The following DPYD variants were observed in gnomAD, a reference collection of about 807,000 sequenced individuals.
DPYD encodes dihydropyrimidine dehydrogenase.
A neutral mutation model predicts 116.2 loss-of-function variants in DPYD; 109 were observed. The observed-to-expected ratio is 0.94, with a 90% CI of 0.80 to 1.10. The LOEUF (loss-of-function observed/expected upper bound fraction) is 1.10, where lower values mean the gene tolerates loss of function less well. Ranked by LOEUF, DPYD falls within the 50% of genes least tolerant of loss-of-function variation. The pLI, the probability that DPYD is intolerant of heterozygous loss-of-function variation, is 0.00. For missense variants in DPYD, 1,302 were observed against 1,254.5 expected (o/e 1.04, Z -0.57); for synonymous variants, 440 against 432.0 (o/e 1.02, Z -0.23).
Position 97,193,180 on chromosome 1 carries a change from C to A in DPYD, c.2511G>T (p.Leu837=), listed in dbSNP as rs763174477. Residue 837 remains leucine, a synonymous_variant, in exon 20 of 23, where the codon CTG becomes CTT. Coordinates refer to ENST00000370192, the MANE Select transcript of DPYD (RefSeq NM_000110.4). ...IEDYCTGLKA[L]LYLKSIEELQ... ...GTTCTTCAATGCTTTTCAGATAAAG[C>A]AGGGCTTTGAGGCCAGTGCAGTAGT... is the stretch of plus-strand genomic sequence containing the variant. The A allele has an allele frequency of 3.3e-5, 53 of 1,613,866 alleles. No homozygotes were observed. The highest frequency in any genetic ancestry group is 4.4e-5 in the Non-Finnish European group (52 of 1,179,962).
At chr1:97,257,435 G>GTATATATATA (rs60425146) in intron 18 of DPYD, among the ~76,000 whole-genome samples, 96 of 136,112 alleles carry the variant, frequency 7.1e-4, no homozygotes, top group African/African-American at 2.6e-3. Context: ...ATATACATAC[G>GTATATATATA]TATATATATA....
intron 13 of DPYD, among the ~76,000 whole-genome samples, chr1:97,451,081 A>C (rs1215983246): frequency 6.6e-6 from 1 of 152,100 alleles, no homozygotes; most frequent in Non-Finnish European, 1.5e-5. Context: ...ACCCCTCCTC[A>C]CCATCTTGTC....
intron 16 of DPYD, among the ~76,000 whole-genome samples, chr1:97,372,784 G>A (rs1671373268): frequency 6.6e-6 from 1 of 151,370 alleles, no homozygotes; most frequent in Non-Finnish European, 1.5e-5. Flanking sequence ...ACAAGATCCT[G>A]TGCCAGACAT....
At chr1:97,740,588 A>G in intron 3 of DPYD, 109 bp from the exon 4 acceptor site, 1 of 975,164 alleles carries the variant, frequency 1.0e-6, no homozygotes, top group Non-Finnish European at 1.6e-6. Context: ...ATAAAATCGT[A>G]TCATTTTTAG....
intron 3 of DPYD, among the ~76,000 whole-genome samples, chr1:97,751,589 C>T (rs1664928606): frequency 6.8e-6 from 1 of 147,638 alleles, no homozygotes; most frequent in Admixed American, 6.8e-5. Flanking sequence ...CATAGAAAGA[C>T]CTTGTCTCTA....
chr1:97,872,251 A>C (rs1671692725), intron 2 of DPYD, among the ~76,000 whole-genome samples: 1 of 151,924 alleles, frequency 6.6e-6, no homozygotes. Flanking sequence ...CATACCTTAC[A>C]CAGGGGAAAG....
intron 19 of DPYD, among the ~76,000 whole-genome samples, chr1:97,204,248 A>T (rs1207245526): frequency 6.6e-6 from 1 of 152,148 alleles, no homozygotes; most frequent in Non-Finnish European, 1.5e-5. Flanking sequence ...TATATGGAAA[A>T]ATAAAAGCTC....
intron 13 of DPYD, among the ~76,000 whole-genome samples, chr1:97,467,423 GC>G (rs913149538): frequency 6.6e-6 from 1 of 152,150 alleles, no homozygotes; most frequent in Non-Finnish European, 1.5e-5. Context: ...ATGATATCCT[GC>G]CCTTTTAGGC....
At chr1:97,585,698 C>A (rs1654044634) in intron 10 of DPYD, among the ~76,000 whole-genome samples, 2 of 151,936 alleles carry the variant, frequency 1.3e-5, no homozygotes, top group Non-Finnish European at 1.5e-5. Context: ...ATAGATTATA[C>A]AAATTACTTT....
chr1:97,213,976 T>A (rs554573132), intron 19 of DPYD, among the ~76,000 whole-genome samples: 10 of 152,276 alleles, frequency 6.6e-5, no homozygotes, highest in African/African-American at 1.4e-4. Flanking sequence ...CCCTTTCTGA[T>A]TAATAGCTTT....
intron 3 of DPYD, among the ~76,000 whole-genome samples, chr1:97,741,441 T>C (rs1306450232): frequency 6.6e-6 from 1 of 152,072 alleles, no homozygotes; most frequent in Non-Finnish European, 1.5e-5. Context: ...CCCTACTGAG[T>C]CCAAGTTACT....
intron 12 of DPYD, among the ~76,000 whole-genome samples, chr1:97,524,422 A>G (rs1336243814): frequency 6.6e-6 from 1 of 152,044 alleles, no homozygotes; most frequent in East Asian, 1.9e-4. Context: ...TGACTTTGTG[A>G]TTATTATCGC....
intron 12 of DPYD, among the ~76,000 whole-genome samples, chr1:97,530,214 C>CTTTTTTTTTTTTTTTT (rs57740723): frequency 8.9e-6 from 1 of 112,696 alleles, no homozygotes; most frequent in African/African-American, 3.3e-5. Context: ...CTTTTTTTTT[C>CTTTTTTTTTTTTTTTT]TTTTTTTTTT....
At chr1:97,162,711 T>G (rs1312258216) in intron 20 of DPYD, among the ~76,000 whole-genome samples, 1 of 152,110 alleles carries the variant, frequency 6.6e-6, no homozygotes, top group Non-Finnish European at 1.5e-5. Context: ...GGAGGCATCA[T>G]GCTACCTGAC....
At chr1:97,261,488 T>C (rs1347816446) in intron 18 of DPYD, among the ~76,000 whole-genome samples, 2 of 139,360 alleles carry the variant, frequency 1.4e-5, no homozygotes, top group South Asian at 2.3e-4. Flanking sequence ...TAAAAGACTA[T>C]GCATCTTTTT....
At chr1:97,274,417 C>A (rs1362109796) in intron 18 of DPYD, among the ~76,000 whole-genome samples, 1 of 152,156 alleles carries the variant, frequency 6.6e-6, no homozygotes, top group East Asian at 1.9e-4. Context: ...CACATCTGAT[C>A]TGCTCTCCCT....
intron 3 of DPYD, among the ~76,000 whole-genome samples, chr1:97,760,182 C>T (rs908368151): frequency 2.6e-5 from 4 of 152,074 alleles, no homozygotes; most frequent in Non-Finnish European, 4.4e-5. Flanking sequence ...GAGAGGGTAG[C>T]TGGAATGAAA....
intron 20 of DPYD, among the ~76,000 whole-genome samples, chr1:97,175,837 T>A (rs1272485333): frequency 6.6e-6 from 1 of 152,196 alleles, no homozygotes; most frequent in African/African-American, 2.4e-5. Context: ...TTAGGCTACA[T>A]AAAATTTTTA....
chr1:97,114,573 A>G (rs1360316661), intron 20 of DPYD, among the ~76,000 whole-genome samples: 1 of 152,180 alleles, frequency 6.6e-6, no homozygotes, highest in African/African-American at 2.4e-5. Context: ...GTTTCTGTTG[A>G]TCAGTGTGCA....
Sources: gnomAD v4.1 joint callset for allele counts (sites outside exome capture counted in the v4.1 genomes callset) on GRCh38, gnomAD v4.1.1 for gene constraint, MANE v1.5 for transcripts, NCBI Gene and HGNC (gene_info 2026-07-23, HGNC 2026-07-21) for gene names.